LRRC4C: variants seen among roughly 807,000 people sequenced by gnomAD.
The protein encoded by LRRC4C is leucine rich repeat containing 4C.
A neutral mutation model predicts 33.6 loss-of-function variants in LRRC4C; 5 were observed. The ratio of observed to expected loss-of-function variants is 0.15; its 90% CI spans 0.08 to 0.31. LRRC4C has a LOEUF of 0.31. Among genes scored for constraint, LRRC4C ranks in the 10% least tolerant of loss-of-function variants. LRRC4C has a pLI of 1.00. For missense variants in LRRC4C, 560 were observed against 796.7 expected (o/e 0.70, Z 3.58); for synonymous variants, 329 against 302.0 (o/e 1.09, Z -0.93).
At chr11:41,399,567 C>T (rs899932012) in intron 1 of LRRC4C, among the ~76,000 whole-genome samples, 1 of 151,948 alleles carries the variant, frequency 6.6e-6, no homozygotes, top group African/African-American at 2.4e-5. Flanking sequence ...TGCAGAATTC[C>T]TCAGCATTGC....
chr11:40,570,614 G>A (rs1957945624), intron 3 of LRRC4C, among the ~76,000 whole-genome samples: 1 of 152,038 alleles, frequency 6.6e-6, no homozygotes, highest in African/African-American at 2.4e-5. Flanking sequence ...GGGAAATTAT[G>A]GTATTCATTC....
chr11:40,336,686 C>A (rs115842613), intron 3 of LRRC4C, among the ~76,000 whole-genome samples: 1 of 151,920 alleles, frequency 6.6e-6, no homozygotes, highest in East Asian at 1.9e-4. Flanking sequence ...TGCAGAAGAG[C>A]GAATCAGGGG....
intron 1 of LRRC4C, among the ~76,000 whole-genome samples, chr11:41,165,393 TCTCA>T (rs1371126918): frequency 2.0e-5 from 3 of 152,114 alleles, no homozygotes; most frequent in Non-Finnish European, 2.9e-5. Context: ...CAGAGTTTTC[TCTCA>T]GAAAACTCAA....
chr11:41,043,440 G>A (rs1857571395), intron 1 of LRRC4C, among the ~76,000 whole-genome samples: 1 of 152,106 alleles, frequency 6.6e-6, no homozygotes, highest in South Asian at 2.1e-4. Context: ...AATGTTAAAT[G>A]TTGCTGCTAT....
chr11:40,454,952 A>C (rs2138123016), intron 3 of LRRC4C, among the ~76,000 whole-genome samples: 1 of 152,258 alleles, frequency 6.6e-6, no homozygotes, highest in East Asian at 1.9e-4. Flanking sequence ...GGGAGGTATA[A>C]AGTGGGATGT....
In LRRC4C at chr11:40,236,207, A is replaced by C. The variant is rs573852279; in HGVS notation, c.-96+5312T>G. Among the ~76,000 whole-genome samples the C allele has an allele frequency of 2.0e-5, 3 of 152,332 alleles. No individual in the cohort carries two copies. In the South Asian group the frequency reaches 6.2e-4, roughly 32 times the overall value. On this transcript the variant is annotated intron_variant, in intron 5 of 6. Transcript: ENST00000528697. ...TAATATTTAAGAAAACAAAGCAAAC[A>C]GCATGAACACAAAAGACAGACGTTT... is the stretch of plus-strand genomic sequence containing the variant.
intron 1 of LRRC4C, among the ~76,000 whole-genome samples, chr11:40,955,446 A>G (rs1958913371): frequency 6.6e-6 from 1 of 151,830 alleles, no homozygotes; most frequent in Admixed American, 6.6e-5. Flanking sequence ...GAAAAACACA[A>G]AAATTGAAAT....
chr11:40,333,717 CAAAAAAAA>C, intron 3 of LRRC4C, among the ~76,000 whole-genome samples: 1 of 78,504 alleles, frequency 1.3e-5, no homozygotes, highest in East Asian at 3.9e-4. Context: ...GACTTTGTCT[CAAAAAAAA>C]AAAAAAAAAA....
intron 1 of LRRC4C, among the ~76,000 whole-genome samples, chr11:41,382,272 C>T (rs1033488416): frequency 6.6e-6 from 1 of 152,000 alleles, no homozygotes; most frequent in East Asian, 1.9e-4. Flanking sequence ...ATTTCTAAAA[C>T]AATCAAAACT....
intron 3 of LRRC4C, among the ~76,000 whole-genome samples, chr11:40,325,457 C>T (rs1203924301): frequency 6.6e-6 from 1 of 151,922 alleles, no homozygotes; most frequent in Non-Finnish European, 1.5e-5. Context: ...TATAGCGAGG[C>T]CCCATCTCTA....
chr11:40,206,004 T>A (rs758580562), intron 5 of LRRC4C, among the ~76,000 whole-genome samples: 5 of 152,216 alleles, frequency 3.3e-5, no homozygotes, highest in Admixed American at 6.5e-5. Flanking sequence ...TCTTCTGAAA[T>A]ATATTTTCAA....
chr11:40,837,274 T>C (rs1381377157), intron 2 of LRRC4C, among the ~76,000 whole-genome samples: 1 of 152,128 alleles, frequency 6.6e-6, no homozygotes, highest in Non-Finnish European at 1.5e-5. Context: ...ATGCTATAGT[T>C]ACTCAAAATC....
chr11:41,357,755 T>C (rs1952213176), intron 1 of LRRC4C, among the ~76,000 whole-genome samples: 1 of 152,140 alleles, frequency 6.6e-6, no homozygotes, highest in Non-Finnish European at 1.5e-5. Context: ...ACTTTATAGT[T>C]ATTCCAATTT....
At chr11:40,739,142 A>G (rs1948036478) in intron 2 of LRRC4C, among the ~76,000 whole-genome samples, 2 of 151,912 alleles carry the variant, frequency 1.3e-5, no homozygotes, top group Admixed American at 6.6e-5. Flanking sequence ...GTCAGGCTCC[A>G]TATTAGACCT....
intron 1 of LRRC4C, among the ~76,000 whole-genome samples, chr11:41,036,770 T>G (rs1857102685): frequency 6.6e-6 from 1 of 152,130 alleles, no homozygotes; most frequent in Admixed American, 6.6e-5. Flanking sequence ...TGAAAAGAGA[T>G]TTCAAAGTAT....
chr11:41,140,687 C>T (rs1943465711), intron 1 of LRRC4C, among the ~76,000 whole-genome samples: 1 of 152,176 alleles, frequency 6.6e-6, no homozygotes, highest in African/African-American at 2.4e-5. Context: ...TTGCTACTTT[C>T]TATAAAAGAA....
chr11:41,086,176 C>G (rs1054904523), intron 1 of LRRC4C, among the ~76,000 whole-genome samples: 1 of 152,046 alleles, frequency 6.6e-6, no homozygotes, highest in African/African-American at 2.4e-5. Flanking sequence ...TCCACTAACA[C>G]TTTATGCCTT....
intron 3 of LRRC4C, among the ~76,000 whole-genome samples, chr11:40,647,114 A>C (rs1037695864): frequency 1.3e-5 from 2 of 152,220 alleles, no homozygotes; most frequent in Non-Finnish European, 2.9e-5. Context: ...AGAAAGGGTT[A>C]TCTTTTGGGA....
chr11:41,453,963 T>A (rs2138669688), intron 1 of LRRC4C, among the ~76,000 whole-genome samples: 1 of 152,232 alleles, frequency 6.6e-6, no homozygotes, highest in East Asian at 1.9e-4. Context: ...TCTCCTAGAA[T>A]CAAATTTTAT....
Sources: gnomAD v4.1 joint callset for allele counts (sites outside exome capture counted in the v4.1 genomes callset) on GRCh38, gnomAD v4.1.1 for gene constraint, MANE v1.5 for transcripts, NCBI Gene and HGNC (gene_info 2026-07-23, HGNC 2026-07-21) for gene names.